KIAA0408: variants seen among roughly 807,000 people sequenced by gnomAD.
The protein encoded by KIAA0408 is KIAA0408, also known as uncharacterized protein KIAA0408.
In KIAA0408, 51 loss-of-function variants were observed where a neutral mutation model predicts 60.9. The ratio of observed to expected loss-of-function variants is 0.84; its 90% confidence interval spans 0.67 to 1.06. KIAA0408 has a LOEUF of 1.06. Among genes scored for constraint, KIAA0408 ranks in the 50% least tolerant of loss-of-function variants. The pLI is 0.00. For missense variants in KIAA0408, 787 were observed against 833.9 expected, an observed-to-expected ratio of 0.94 and a Z score of 0.69; for synonymous variants, 304 against 282.4, an observed-to-expected ratio of 1.08 and a Z score of -0.77.
At chr6:127,457,861 G>A (rs527469253) in intron 1 of KIAA0408, among the ~76,000 whole-genome samples, 26 of 152,210 alleles carry the variant, frequency 1.7e-4, no homozygotes, top group Admixed American at 1.3e-3. Flanking sequence ...CCTCCAACTC[G>A]CCCATTGAAA....
intron 2 of KIAA0408, 84 bp downstream of exon 2, chr6:127,453,763 A>G: frequency 6.6e-7 from 1 of 1,514,690 alleles, no homozygotes; most frequent in Middle Eastern, 2.1e-4. Context: ...GGAAATCAAA[A>G]ACAGTTTCCA....
Position 127,440,800 on chromosome 6 carries a change from G to C in KIAA0408, c.*3309C>G, listed in dbSNP as rs1773095462. 1 of 152,206 alleles carries C rather than the reference G, an allele frequency of 6.6e-6. No homozygotes were observed. Among genetic ancestry groups the C allele is most frequent in the Non-Finnish European group, 1.5e-5 (1 of 68,030 alleles). 9.4% of individuals were successfully genotyped at this position (152,206 alleles called of 1,614,324 possible). ...AGAAGACTTTTATCAGACTCAATTAGCAGTTAAATGGGTAGAGAGAGGATG... is the reference window on the plus strand; with the variant it reads ...AGAAGACTTTTATCAGACTCAATTACCAGTTAAATGGGTAGAGAGAGGATG... On this transcript the variant is annotated 3_prime_UTR_variant, in exon 6 of 6. Coordinates refer to ENST00000483725, the MANE Select transcript of KIAA0408 (RefSeq NM_014702.5).
At chr6:127,456,213 C>A (rs150134446) in intron 1 of KIAA0408, among the ~76,000 whole-genome samples, 5 of 152,260 alleles carry the variant, frequency 3.3e-5, no homozygotes, top group African/African-American at 1.2e-4. Flanking sequence ...TAATTTCAAG[C>A]TACCTGGAAA....
At chr6:127,448,286 G>C (rs58171053) in intron 4 of KIAA0408, among the ~76,000 whole-genome samples, 2,033 of 152,176 alleles carry the variant, frequency 0.013, 51 homozygotes, top group African/African-American at 0.047. Flanking sequence ...TGGATGACTT[G>C]AGTAAAAGGC....
At chr6:127,452,421 T>C (rs906505788) in intron 2 of KIAA0408, among the ~76,000 whole-genome samples, 11 of 152,148 alleles carry the variant, frequency 7.2e-5, no homozygotes, top group Middle Eastern at 3.2e-3. Context: ...TTTGTCTCTC[T>C]GATACAGAAA....
rs1773101674 is a variant in KIAA0408 at position 127,441,124 on chromosome 6, T to A, written c.*2985A>T. The A allele has an allele frequency of 6.6e-6, 1 of 152,198 alleles. No individual in the cohort carries two copies. Among genetic ancestry groups the A allele is most frequent in the Non-Finnish European group, 1.5e-5 (1 of 68,024 alleles). The allele number at this position is 152,198 out of a possible 1,614,324, so 9.4% of individuals were successfully genotyped here. On this transcript the variant is annotated 3_prime_UTR_variant, in exon 6 of 6. Coordinates refer to ENST00000483725, the MANE Select transcript of KIAA0408 (RefSeq NM_014702.5). ...ATATCAAGTAGTTGTTTGTCACAAATGTGCCTAAAAATAACTTTAAAGATC... is the reference window on the plus strand; with the variant it reads ...ATATCAAGTAGTTGTTTGTCACAAAAGTGCCTAAAAATAACTTTAAAGATC...
chr6:127,451,874 T>A (rs1773308126), intron 2 of KIAA0408, among the ~76,000 whole-genome samples: 1 of 152,176 alleles, frequency 6.6e-6, no homozygotes, highest in African/African-American at 2.4e-5. Flanking sequence ...ACAAAGGTAC[T>A]ATGTTACTTG....
At chr6:127,449,670 A>C (rs1030939729) in intron 4 of KIAA0408, 152 bp downstream of exon 4, 3 of 1,084,730 alleles carry the variant, frequency 2.8e-6, no homozygotes, top group Non-Finnish European at 3.9e-6. Context: ...ACGAGCAAAC[A>C]AAAAATTAAA....
intron 4 of KIAA0408, among the ~76,000 whole-genome samples, chr6:127,448,860 G>C (rs1055096463): frequency 9.9e-5 from 15 of 152,264 alleles, no homozygotes; most frequent in African/African-American, 3.6e-4. Flanking sequence ...AGAGATAAAT[G>C]TTGATCCTAG....
chr6:127,445,405 C>A (rs1046157009), intron 5 of KIAA0408, among the ~76,000 whole-genome samples: 2 of 152,114 alleles, frequency 1.3e-5, no homozygotes, highest in Non-Finnish European at 2.9e-5. Context: ...CAGAGAAATA[C>A]AAAAGCAGGA....
rs867700436 is a variant in KIAA0408 at position 127,446,586 on chromosome 6, A to G, written c.1733T>C (p.Leu578Ser). 2 of 1,614,192 alleles carry G rather than the reference A, an allele frequency of 1.2e-6. No homozygotes were observed. Among genetic ancestry groups the G allele is most frequent in the Middle Eastern group, 3.3e-4 (2 of 6,062 alleles). ...ATCCTGGAAGCACTTAGAATTTTGCAATGCAGACTCTGTTGCTGTCTCATA... is the reference window on the plus strand; with the variant it reads ...ATCCTGGAAGCACTTAGAATTTTGCGATGCAGACTCTGTTGCTGTCTCATA... Reference protein sequence around the residue: ...KTYETATESALQNSKCFQDNW... With the variant: ...KTYETATESASQNSKCFQDNW... Residue 578 changes from leucine (L) to serine (S), a missense_variant, in exon 5 of 6, where the codon TTG becomes TCG. By Grantham distance (145) the Leu-to-Ser change is moderately radical. This residue lies in a region of KIAA0408 where 14 missense variants were observed against 33.4 expected (regional missense o/e 0.42). Transcript: ENST00000483725.
intron 5 of KIAA0408, among the ~76,000 whole-genome samples, chr6:127,446,120 C>A (rs994970381): frequency 6.6e-6 from 1 of 151,946 alleles, no homozygotes; most frequent in African/African-American, 2.4e-5. Context: ...AGTATTTTTT[C>A]AAGAAAGAGC....
intron 4 of KIAA0408, among the ~76,000 whole-genome samples, chr6:127,448,018 C>T (rs1773234716): frequency 6.6e-6 from 1 of 152,164 alleles, no homozygotes; most frequent in Non-Finnish European, 1.5e-5. Flanking sequence ...ACTTCACCTA[C>T]CCTCAGATTA....
chr6:127,452,426 C>T (rs575584742), intron 2 of KIAA0408, among the ~76,000 whole-genome samples: 3 of 152,166 alleles, frequency 2.0e-5, no homozygotes, highest in African/African-American at 4.8e-5. Context: ...CTCTCTGATA[C>T]AGAAAGGGAT....
chr6:127,459,129 G>T (rs531976308), intron 1 of KIAA0408, 46 bp downstream of exon 1: 1 of 152,328 alleles, frequency 6.6e-6, no homozygotes, highest in Admixed American at 6.5e-5. Context: ...TTTGTATCCT[G>T]CCATAATTAG....
rs1241456956 is a variant in KIAA0408, at chr6:127,443,086, A to G, written c.*1023T>C. 6.6e-6 allele frequency: 1 copy of G among 152,166 alleles called. No individual in the cohort carries two copies. The allele number at this position is 152,166 out of a possible 1,614,324, so 9.4% of individuals were successfully genotyped here. On this transcript the variant is annotated 3_prime_UTR_variant, in exon 6 of 6. Coordinates refer to ENST00000483725, the MANE Select transcript of KIAA0408 (RefSeq NM_014702.5). ...TAGTAAAAAAGTAACTTAGTTTGTT[A>G]TCTATTAATTTTAAGGAAAAGATTA...
rs1773055089 is a variant in KIAA0408 at position 127,438,488 on chromosome 6, G to A, written c.*5621C>T. 1 of 152,140 alleles carries A rather than the reference G, an allele frequency of 6.6e-6. No homozygotes were observed. Among genetic ancestry groups the A allele is most frequent in the South Asian group, 2.1e-4 (1 of 4,826 alleles). The allele number at this position is 152,140 out of a possible 1,614,324, so 9.4% of individuals were successfully genotyped here. ...AAAATAAAGCTTCAAAAATAAACTG[G>A]CAGCAGAGCACAATTGCAGTCACAT... On this transcript the variant is annotated 3_prime_UTR_variant, in exon 6 of 6. Transcript: ENST00000483725.
At position 127,450,002 on chromosome 6, in the gene KIAA0408, G is replaced by A. The variant is rs575707998; in HGVS notation, c.486C>T (p.Gly162=). Residue 162 remains glycine (G), a synonymous_variant, in exon 3 of 6, where the codon GGC becomes GGT. Transcript: ENST00000483725. ...ACATCTTACTTACTGTACTGAGGGC[G>A]CCAGAACAGCTCTTGCTGTCTTCCT... The part of the protein sequence containing the change: ...TSEEDSKSCS[G]ALSTALEELA... The A allele has an allele frequency of 2.9e-5, 47 of 1,613,560 alleles. No individual in the cohort carries two copies. Among genetic ancestry groups the A allele is most frequent in the African/African-American group, 1.6e-4 (12 of 74,840 alleles).
rs1773270546 is a variant in KIAA0408 at position 127,449,898 on chromosome 6, G to C, written c.502C>G (p.Leu168Val). ...TCACTCACCTTCGCAAGTTCTTCAA[G>C]AGCCTTTACACATATAAGCAACAGC... ...KSCSGALSTA[L>V]EELAKVSEEL... The change falls in exon 4 of 6, where the codon CTT (leucine) becomes GTT (valine). Residue 168 changes from leucine (L) to valine (V), a missense_variant. By Grantham distance (32) the Leu-to-Val change is conservative (BLOSUM62 1). This residue lies in a region of KIAA0408 where 640 missense variants were observed against 681.3 expected (regional missense o/e 0.94). Coordinates refer to ENST00000483725, the MANE Select transcript of KIAA0408 (RefSeq NM_014702.5). 1 of 1,613,966 alleles carries C rather than the reference G, an allele frequency of 6.2e-7. No individual in the cohort carries two copies. The highest frequency in any genetic ancestry group is 8.5e-7 in the Non-Finnish European group (1 of 1,179,968).
Sources: gnomAD v4.1 joint callset for allele counts (sites outside exome capture counted in the v4.1 genomes callset) on GRCh38, gnomAD v4.1.1 for gene constraint, gnomAD v4.1.1 regional missense constraint, MANE v1.5 for transcripts, NCBI Gene and HGNC (gene_info 2026-07-23, HGNC 2026-07-21) for gene names.